Variants in LRRTM3 observed in about 807,000 individuals in gnomAD.
LRRTM3 encodes leucine rich repeat transmembrane neuronal 3.
LRRTM3 carries 24 observed loss-of-function variants against 44.7 expected under a neutral mutation model. That is an observed-to-expected ratio of 0.54 (90% CI 0.39 to 0.76). The LOEUF (loss-of-function observed/expected upper bound fraction) is 0.76, where lower values mean the gene tolerates loss of function less well. LRRTM3 is among the 30% of genes least tolerant of loss of function. LRRTM3 has a pLI of 0.00. For missense variants in LRRTM3, 587 were observed against 702.2 expected, an observed-to-expected ratio of 0.84 and a Z score of 1.85; for synonymous variants, 277 against 278.7, an observed-to-expected ratio of 0.99 and a Z score of 0.06.
chr10:67,082,182 T>C (rs1857089995), intron 2 of LRRTM3, among the ~76,000 whole-genome samples: 2 of 152,212 alleles, frequency 1.3e-5, no homozygotes, highest in Non-Finnish European at 2.9e-5. Context: ...TAATTAAAAA[T>C]TGGATCTGCT....
At chr10:67,018,054 G>A (rs533792803) in intron 2 of LRRTM3, among the ~76,000 whole-genome samples, 1 of 152,114 alleles carries the variant, frequency 6.6e-6, no homozygotes, top group Non-Finnish European at 1.5e-5. Flanking sequence ...TTACAGGTGT[G>A]AGCCACCATG....
At chr10:66,930,725 AAT>A (rs1340455515) in intron 2 of LRRTM3, among the ~76,000 whole-genome samples, 20 of 152,192 alleles carry the variant, frequency 1.3e-4, no homozygotes, top group South Asian at 2.1e-4. Flanking sequence ...TGGAATATAA[AAT>A]ATGATATAAC....
intron 2 of LRRTM3, among the ~76,000 whole-genome samples, chr10:66,957,475 A>G (rs1848884801): frequency 7.4e-6 from 1 of 135,628 alleles, no homozygotes; most frequent in African/African-American, 2.7e-5. Flanking sequence ...TATATGTTTG[A>G]TCCTGAAGGA....
intron 2 of LRRTM3, among the ~76,000 whole-genome samples, chr10:66,986,800 C>A (rs971828358): frequency 6.6e-6 from 1 of 152,076 alleles, no homozygotes. Flanking sequence ...ATATGATAGT[C>A]AATCATTTCT....
In LRRTM3 at chr10:66,927,827, T is replaced by C. The variant is rs1165169432; in HGVS notation, c.911T>C (p.Leu304Pro). Residue 304 changes from leucine to proline, a missense_variant, in exon 2 of 3, where the codon CTC (leucine) becomes CCC (proline). Leu to Pro is a moderately conservative substitution (Grantham distance 98). Around this residue, in one of 3 missense-constraint regions of LRRTM3, gnomAD observed 222 missense variants for 323.3 expected, o/e 0.69. Coordinates refer to ENST00000361320, the MANE Select transcript of LRRTM3 (RefSeq NM_178011.5). The surrounding 1 kb of genome is among the most constrained non-coding windows in gnomAD (Gnocchi z 4.7). Reference sequence around the variant, plus strand: ...GAGATTTTGGATTCTTGGATATCCCTCAATGACATCAGTCTTGCTGGGAAT... The same window carrying C: ...GAGATTTTGGATTCTTGGATATCCCCCAATGACATCAGTCTTGCTGGGAAT... ...GQEILDSWIS[L>P]NDISLAGNIW... is the part of the protein sequence containing the mutation. The C allele has an allele frequency of 6.2e-7, 1 of 1,614,200 alleles. No homozygotes were observed. The highest frequency in any genetic ancestry group is 2.2e-5 in the East Asian group (1 of 44,888).
chr10:66,935,915 G>T (rs1365728723), intron 2 of LRRTM3, among the ~76,000 whole-genome samples: 1 of 151,752 alleles, frequency 6.6e-6, no homozygotes, highest in African/African-American at 2.4e-5. Flanking sequence ...CCCACAAAAG[G>T]CTTCTCAAAG....
chr10:67,071,244 A>G (rs544743889), intron 2 of LRRTM3, among the ~76,000 whole-genome samples: 1 of 151,796 alleles, frequency 6.6e-6, no homozygotes, highest in African/African-American at 2.4e-5. Flanking sequence ...TCATTCTTCT[A>G]CTTACAACAA....
chr10:67,004,124 T>G (rs933683290), intron 2 of LRRTM3, among the ~76,000 whole-genome samples: 6 of 151,970 alleles, frequency 3.9e-5, no homozygotes, highest in African/African-American at 1.2e-4. Flanking sequence ...GATCTGGCTG[T>G]GGAGCCATGG....
chr10:67,064,327 C>T (rs1252454907), intron 2 of LRRTM3, among the ~76,000 whole-genome samples: 1 of 152,076 alleles, frequency 6.6e-6, no homozygotes. Context: ...TCATTTTCTA[C>T]AATGATCCAT....
At position 67,097,971 on chromosome 10, in the gene LRRTM3, G is replaced by GTCTA. The variant is rs1858112392; in HGVS notation, c.*176_*179dup. ...ATAAAGAAGACATGAATTGTTTTAAGTCTACACTTTGTAATTAGCTAAGTT... is the reference window on the plus strand; with the variant it reads ...ATAAAGAAGACATGAATTGTTTTAAGTCTATCTACACTTTGTAATTAGCTAAGTT... On this transcript the variant is annotated 3_prime_UTR_variant, in exon 3 of 3. Coordinates refer to ENST00000361320, the MANE Select transcript of LRRTM3 (RefSeq NM_178011.5). The GTCTA allele has an allele frequency of 1.6e-6, 1 of 614,548 alleles. No homozygotes were observed. The allele number at this position is 614,548 out of a possible 1,614,324, so 38.1% of individuals were successfully genotyped here.
Position 67,031,539 on chromosome 10 carries a change from A to G in LRRTM3, c.1537-66048A>G, listed in dbSNP as rs148518427. Among the ~76,000 whole-genome samples, 172 of 152,316 alleles carry G rather than the reference A, an allele frequency of 1.1e-3. 2 individuals are homozygous for G. The highest frequency in any genetic ancestry group is 4.0e-3 in the African/African-American group (166 of 41,564). ...GGAATACTGCCAAGTAATGTCACTA[A>G]AAGACTGACAGGGACTACTTAGGAC... On this transcript the variant is annotated intron_variant, in intron 2 of 2. Coordinates refer to ENST00000361320, the MANE Select transcript of LRRTM3 (RefSeq NM_178011.5).
intron 2 of LRRTM3, among the ~76,000 whole-genome samples, chr10:66,941,026 A>C (rs1489144333): frequency 6.6e-6 from 1 of 152,246 alleles, no homozygotes; most frequent in African/African-American, 2.4e-5. Flanking sequence ...TTAATAAAAA[A>C]AAGAAAGCCC....
chr10:67,009,958 C>T (rs1470697991), intron 2 of LRRTM3, among the ~76,000 whole-genome samples: 2 of 152,062 alleles, frequency 1.3e-5, no homozygotes, highest in Admixed American at 6.6e-5. Context: ...AAGCAAGAAC[C>T]CTGTCATTCT....
intron 2 of LRRTM3, among the ~76,000 whole-genome samples, chr10:67,006,551 C>T (rs911883208): frequency 1.3e-5 from 2 of 151,918 alleles, no homozygotes; most frequent in Non-Finnish European, 2.9e-5. Flanking sequence ...TCTCTTATAA[C>T]TTCAACCTCT....
chr10:66,992,319 G>T (rs1438685071), intron 2 of LRRTM3, among the ~76,000 whole-genome samples: 4 of 151,974 alleles, frequency 2.6e-5, no homozygotes, highest in African/African-American at 7.2e-5. Context: ...TTGCACTTCT[G>T]TAAATCAACT....
At chr10:66,965,206 TGTTTAAAAAGCTGG>T (rs1395038636) in intron 2 of LRRTM3, among the ~76,000 whole-genome samples, 3 of 152,020 alleles carry the variant, frequency 2.0e-5, no homozygotes, top group Non-Finnish European at 2.9e-5. Flanking sequence ...CTCCAGGTTG[TGTTTAAAAAGCTGG>T]GTTTTTTTGG....
At chr10:66,970,734 C>G (rs1049136363) in intron 2 of LRRTM3, among the ~76,000 whole-genome samples, 1 of 152,088 alleles carries the variant, frequency 6.6e-6, no homozygotes, top group African/African-American at 2.4e-5. Flanking sequence ...CTTTCCTTAT[C>G]TCCAGGCAGA....
Position 66,976,888 on chromosome 10 carries a change from C to A in LRRTM3, c.1536+48436C>A, listed in dbSNP as rs1232410685. 2.0e-5 allele frequency among the ~76,000 whole-genome samples: 3 copies of A among 152,132 alleles called. No individual in the cohort carries two copies. The East Asian group carries it at 5.8e-4, about 29-fold the overall frequency. On this transcript the variant is annotated intron_variant, in intron 2 of 2. Transcript: ENST00000361320. ...TGTTTTTGTCTAAAGACAGTGATTG[C>A]TTTCCAAATAACTACTTTGATGTGC...
At chr10:66,935,093 T>G (rs1326322996) in intron 2 of LRRTM3, among the ~76,000 whole-genome samples, 1 of 152,078 alleles carries the variant, frequency 6.6e-6, no homozygotes, top group Non-Finnish European at 1.5e-5. Flanking sequence ...CTATGTACTT[T>G]CTAAAAGAAA....
Sources: allele counts gnomAD v4.1 joint callset (sites outside exome capture counted in the v4.1 genomes callset), GRCh38; gene constraint gnomAD v4.1.1; regional missense constraint gnomAD v4.1.1; non-coding constraint Gnocchi (gnomAD v3.1); transcripts MANE v1.5; gene names NCBI Gene and HGNC (gene_info 2026-07-23, HGNC 2026-07-21).